SYNE1: variants seen among roughly 807,000 people sequenced by gnomAD.
The protein encoded by SYNE1 is nesprin-1.
In SYNE1, 616 loss-of-function variants were observed where a neutral mutation model predicts 1,111.0. That is an observed-to-expected ratio of 0.55 (90% CI 0.52 to 0.59). SYNE1 has a LOEUF of 0.59. SYNE1 is among the 20% of genes least tolerant of loss of function. SYNE1 has a pLI of 0.00. For missense variants in SYNE1, 10,006 were observed against 10,417.0 expected (o/e 0.96, Z 1.72); for synonymous variants, 3,855 against 3,825.8 (o/e 1.01, Z -0.28).
Position 152,624,017 on chromosome 6 carries a change from T to A in SYNE1, c.67+4248A>T, listed in dbSNP as rs570056598. Among the ~76,000 whole-genome samples, 479 of 152,236 alleles carry A rather than the reference T, an allele frequency of 3.1e-3. 3 individuals are homozygous for A. The highest frequency in any genetic ancestry group is 0.011 in the African/African-American group (456 of 41,564). ...TAAGGTTTTTATTACTCATAAAAAA[T>A]TTTCAAGAGGAGATTGTGATTACTT... On this transcript the variant is annotated intron_variant, in intron 3 of 145. Transcript: ENST00000367255.
rs753742582 is a variant in SYNE1, at chr6:152,230,527, T to C, written c.21195+20A>G. 1.9e-6 allele frequency: 3 copies of C among 1,613,352 alleles called. No homozygotes were observed. The highest frequency in any genetic ancestry group is 2.2e-5 in the East Asian group (1 of 44,860). On this transcript the variant is annotated intron_variant, in intron 115 of 145. Coordinates refer to ENST00000367255, the MANE Select transcript of SYNE1 (RefSeq NM_182961.4). ...TATGAAATTGTGAGATGGTGCATGT[T>C]AGCCACCTGGACAAGTTACCTGACA...
rs866111437 is a variant in SYNE1, at chr6:152,540,088, C to T, written c.68-67G>A. On this transcript the variant is annotated intron_variant, in intron 3 of 145. Transcript: ENST00000367255. ...ATGAAGCTGTATAATGAGAAAAAGT[C>T]CTATTTACACAAATCTGGAAGGAAT... 42 of 1,455,518 alleles carry T rather than the reference C, an allele frequency of 2.9e-5. No individual in the cohort carries two copies. In the Middle Eastern group the frequency reaches 2.1e-3, roughly 74 times the overall value. The allele number at this position is 1,455,518 out of a possible 1,614,324, so 90.2% of individuals were successfully genotyped here.
rs539708050 is a variant in SYNE1 at position 152,448,140 on chromosome 6, C to G, written c.3505-518G>C. ...ACATTTTCTGCTGAATTTTTATTAG[C>G]TTTTAGAAGCCAGTATCCCATATAG... is the stretch of plus-strand genomic sequence containing the variant. On this transcript the variant is annotated intron_variant, in intron 28 of 145. Coordinates refer to ENST00000367255, the MANE Select transcript of SYNE1 (RefSeq NM_182961.4). Among the ~76,000 whole-genome samples, 147 of 152,290 alleles carry G rather than the reference C, an allele frequency of 9.7e-4. 1 individual carries two copies. The highest frequency in any genetic ancestry group is 3.5e-3 in the African/African-American group (145 of 41,554).
chr6:152,520,618 T>C, intron 5 of SYNE1, 76 bp from the exon 6 acceptor site: 2 of 1,491,516 alleles, frequency 1.3e-6, no homozygotes, highest in East Asian at 2.3e-5. Flanking sequence ...TCTATTTAAA[T>C]GGATTAAAAA....
intron 4 of SYNE1, among the ~76,000 whole-genome samples, chr6:152,527,618 C>G (rs2099169495): frequency 6.6e-6 from 1 of 152,060 alleles, no homozygotes; most frequent in African/African-American, 2.4e-5. Flanking sequence ...TCAAAGTAAC[C>G]ACTTGTACCC....
intron 19 of SYNE1, 39 bp from the exon 20 acceptor site, chr6:152,462,929 T>G: frequency 6.2e-7 from 1 of 1,612,316 alleles, no homozygotes; most frequent in South Asian, 1.1e-5. Flanking sequence ...GTGAAAGCCA[T>G]TTAGCTGCGA....
At chr6:152,546,547 GACCTCT>G (rs1413510961) in intron 3 of SYNE1, 1 of 152,176 alleles carries the variant, frequency 6.6e-6, no homozygotes, top group Non-Finnish European at 1.5e-5. Context: ...TCTGCTCTGA[GACCTCT>G]ACACAAGGAA....
intron 70 of SYNE1, among the ~76,000 whole-genome samples, chr6:152,351,772 A>G (rs2096745089): frequency 6.6e-6 from 1 of 152,214 alleles, no homozygotes; most frequent in Non-Finnish European, 1.5e-5. Flanking sequence ...TCATTGATTG[A>G]CAGATACGTA....
At chr6:152,285,687 T>C (rs2094290273) in intron 95 of SYNE1, among the ~76,000 whole-genome samples, 2 of 152,234 alleles carry the variant, frequency 1.3e-5, no homozygotes, top group Admixed American at 6.5e-5. Context: ...GATGGCTCTA[T>C]TCATCCTTTG....
At chr6:152,397,766 C>T (rs2097758101) in intron 49 of SYNE1, among the ~76,000 whole-genome samples, 1 of 152,008 alleles carries the variant, frequency 6.6e-6, no homozygotes, top group Admixed American at 6.6e-5. Flanking sequence ...TTTGAGAGGC[C>T]AAGGCGGGTG....
Position 152,449,567 on chromosome 6 carries a change from G to T in SYNE1, c.3470C>A (p.Thr1157Asn), listed in dbSNP as rs1486781796. The change falls in exon 28 of 146, where the codon ACT (threonine) becomes AAT (asparagine). Residue 1157 changes from threonine to asparagine, a missense_variant. Thr to Asn is a moderately conservative substitution (Grantham distance 65). This residue lies in a region of SYNE1 where 1,971 missense variants were observed against 2,084.1 expected (regional missense o/e 0.95). Coordinates refer to ENST00000367255, the MANE Select transcript of SYNE1 (RefSeq NM_182961.4). ...ACGTTTAACCTCTCCGTGGTTGGCAGTATCGATGGCCTCACCCTTGATCCC... is the reference window on the plus strand; with the variant it reads ...ACGTTTAACCTCTCCGTGGTTGGCATTATCGATGGCCTCACCCTTGATCCC... Reference protein sequence around the residue: ...LKGIKGEAIDTANHGEVKRAV... With the variant: ...LKGIKGEAIDNANHGEVKRAV... The T allele has an allele frequency of 6.2e-7, 1 of 1,614,104 alleles. No individual in the cohort carries two copies. The highest frequency in any genetic ancestry group is 1.7e-5 in the Admixed American group (1 of 60,022).
intron 80 of SYNE1, among the ~76,000 whole-genome samples, chr6:152,325,744 C>A (rs2096050824): frequency 6.6e-6 from 1 of 152,168 alleles, no homozygotes; most frequent in South Asian, 2.1e-4. Context: ...TTATCGGAAG[C>A]AAATTGCTCT....
At chr6:152,350,935 G>T (rs1019439213) in intron 70 of SYNE1, among the ~76,000 whole-genome samples, 165 bp from the exon 71 acceptor site, 1 of 152,152 alleles carries the variant, frequency 6.6e-6, no homozygotes, top group Admixed American at 6.5e-5. Context: ...TTATTAAGAC[G>T]AATACAGTTT....
At chr6:152,163,454 G>A (rs920131646) in intron 131 of SYNE1, among the ~76,000 whole-genome samples, 13 of 144,764 alleles carry the variant, frequency 9.0e-5, no homozygotes, top group East Asian at 4.1e-4. Flanking sequence ...AGCTGAGATC[G>A]CACTACTACA....
At position 152,396,310 on chromosome 6, in the gene SYNE1, A is replaced by G. The variant is rs143877363; in HGVS notation, c.7556+465T>C. 3.8e-3 allele frequency among the ~76,000 whole-genome samples: 579 copies of G among 152,324 alleles called. 2 individuals are homozygous for G. Among genetic ancestry groups the G allele is most frequent in the Non-Finnish European group, 6.6e-3 (447 of 68,040 alleles). On this transcript the variant is annotated intron_variant, in intron 50 of 145. Coordinates refer to ENST00000367255, the MANE Select transcript of SYNE1 (RefSeq NM_182961.4). Reference sequence around the variant, plus strand: ...TCAGAAAGACAATTTGATTCTACTGACATCTTTTCTCACCCTAGTCATAGG... The same window carrying G: ...TCAGAAAGACAATTTGATTCTACTGGCATCTTTTCTCACCCTAGTCATAGG...
chr6:152,631,317 G>A (rs1364107801), intron 2 of SYNE1, among the ~76,000 whole-genome samples: 1 of 152,174 alleles, frequency 6.6e-6, no homozygotes, highest in African/African-American at 2.4e-5. Flanking sequence ...GAAACAGCAT[G>A]ACTGGGACAT....
At chr6:152,489,729 T>A (rs2154302428) in intron 11 of SYNE1, among the ~76,000 whole-genome samples, 1 of 152,282 alleles carries the variant, frequency 6.6e-6, no homozygotes, top group South Asian at 2.1e-4. Flanking sequence ...CACAACCTAC[T>A]CTAGGAAGAT....
intron 127 of SYNE1, among the ~76,000 whole-genome samples, chr6:152,192,671 G>T (rs2072862253): frequency 6.6e-6 from 1 of 151,670 alleles, no homozygotes. Context: ...ACTGGGTTTT[G>T]CCATGTTGAC....
intron 42 of SYNE1, among the ~76,000 whole-genome samples, 173 bp from the exon 43 acceptor site, chr6:152,409,882 A>G (rs960758446): frequency 6.6e-6 from 1 of 152,190 alleles, no homozygotes; most frequent in African/African-American, 2.4e-5. Context: ...TCCAATGTCT[A>G]AAATATTCTC....
Sources: gnomAD v4.1 joint callset for allele counts (sites outside exome capture counted in the v4.1 genomes callset) on GRCh38, gnomAD v4.1.1 for gene constraint, gnomAD v4.1.1 regional missense constraint, MANE v1.5 for transcripts, NCBI Gene and HGNC (gene_info 2026-07-23, HGNC 2026-07-21) for gene names.